Variants in SACS observed in about 807,000 individuals in gnomAD.
SACS encodes the protein sacsin molecular chaperone, also known as sacsin.
In SACS, 197 loss-of-function variants were observed where a neutral mutation model predicts 348.0. The ratio of observed to expected loss-of-function variants is 0.57; its 90% CI spans 0.50 to 0.64. The LOEUF is 0.64. Among genes scored for constraint, SACS ranks in the 30% least tolerant of loss-of-function variants. The probability of loss-of-function intolerance (pLI) is 0.00; values close to 1 mark genes in which losing one functional copy is unlikely to be tolerated. For synonymous variants in SACS, 1,985 were observed against 1,910.6 expected, an observed-to-expected ratio of 1.04 and a Z score of -1.02; for missense variants, 4,999 against 5,360.8, an observed-to-expected ratio of 0.93 and a Z score of 2.11.
chr13:23,414,611 G>T (rs779443106), intron 1 of SACS, among the ~76,000 whole-genome samples: 4 of 152,140 alleles, frequency 2.6e-5, no homozygotes, highest in Non-Finnish European at 2.9e-5. Flanking sequence ...ATATCACCAG[G>T]CGTGTTTGAT....
In SACS at chr13:23,331,103, G is replaced by T. The variant is rs765646434; in HGVS notation, c.12773C>A (p.Ala4258Asp). 6.2e-7 allele frequency: 1 copy of T among 1,614,126 alleles called. No homozygotes were observed. The highest frequency in any genetic ancestry group is 1.1e-5 in the South Asian group (1 of 91,074). Residue 4258 changes from alanine to aspartate, a missense_variant, in exon 10 of 10, where the codon GCT becomes GAT. Physicochemically the swap from Ala to Asp is moderately radical, Grantham distance 126. Around this residue, in one of 6 missense-constraint regions of SACS, gnomAD observed 831 missense variants for 941.8 expected, o/e 0.88. Transcript: ENST00000382292. ...PEESSQSRDS[A>D]PSTPTSPTEF... ...AGTGGGGCTGGTTGGTGTAGAAGGA[G>T]CACTGTCCCTGCTTTGAGAGCTTTC...
At position 23,329,414 on chromosome 13, in the gene SACS, A is replaced by G. The variant is rs1441307908; in HGVS notation, c.*722T>C. 6.5e-6 allele frequency: 5 copies of G among 764,918 alleles called. No individual in the cohort carries two copies. The allele number at this position is 764,918 out of a possible 1,614,324, so 47.4% of individuals were successfully genotyped here. On this transcript the variant is annotated 3_prime_UTR_variant, in exon 10 of 10. Coordinates refer to ENST00000382292, the MANE Select transcript of SACS (RefSeq NM_014363.6). ...TCTTGGCAAGCAGTTTCCAGAAACA[A>G]TACTAACAACTGGTAATAAGAACTG...
In SACS at chr13:23,332,530, T is replaced by G; in HGVS notation, c.11346A>C (p.Ala3782=). 6 of 1,613,988 alleles carry G rather than the reference T, an allele frequency of 3.7e-6. No homozygotes were observed. Among genetic ancestry groups the G allele is most frequent in the Non-Finnish European group, 4.2e-6 (5 of 1,179,914 alleles). The change falls in exon 10 of 10, where the codon GCA becomes GCC. Residue 3782 remains alanine (A), a synonymous_variant. Coordinates refer to ENST00000382292, the MANE Select transcript of SACS (RefSeq NM_014363.6). ...ACTGAAAACGAAATTCCCTTTTTTC[T>G]GCACTGAGGAATTCATATATGCTCC... ...VLRSIYEFLS[A]EKREFRFQLR...
chr13:23,377,536 T>C (rs1416090543), intron 2 of SACS, among the ~76,000 whole-genome samples: 1 of 152,178 alleles, frequency 6.6e-6, no homozygotes, highest in East Asian at 1.9e-4. Context: ...AATCTTCTTA[T>C]CCTGTCCATG....
At chr13:23,343,067 G>A (rs1172207298) in intron 9 of SACS, among the ~76,000 whole-genome samples, 1 of 152,194 alleles carries the variant, frequency 6.6e-6, no homozygotes. Context: ...AACAAAGGGA[G>A]CACGTGGGGC....
At chr13:23,414,358 G>A (rs1439830406) in intron 1 of SACS, among the ~76,000 whole-genome samples, 3 of 152,086 alleles carry the variant, frequency 2.0e-5, no homozygotes, top group Non-Finnish European at 2.9e-5. Flanking sequence ...AAAACATGCA[G>A]GTTTTATATG....
chr13:23,424,360 T>A (rs1240403241), intron 1 of SACS, among the ~76,000 whole-genome samples: 2 of 151,996 alleles, frequency 1.3e-5, no homozygotes, highest in Non-Finnish European at 2.9e-5. Flanking sequence ...ACCCCGGCTC[T>A]ACTAAAAATA....
Position 23,355,246 on chromosome 13 carries a change from T to C in SACS, c.1366A>G (p.Ser456Gly). The C allele has an allele frequency of 6.2e-7, 1 of 1,614,228 alleles. No individual in the cohort carries two copies. Among genetic ancestry groups the C allele is most frequent in the Non-Finnish European group, 8.5e-7 (1 of 1,180,040 alleles). Reference protein sequence around the residue: ...CFLPLPPGEESSTGLPVHISG... With the variant: ...CFLPLPPGEEGSTGLPVHISG... ...ATGTGAACTGGGAGGCCTGTGCTGC[T>C]TTCCTCACCAGGTGGTAAAGGAAGG... The change falls in exon 8 of 10, where the codon AGC becomes GGC. Residue 456 changes from serine to glycine, a missense_variant. Physicochemically the swap from Ser to Gly is moderately conservative, Grantham distance 56. Coordinates refer to ENST00000382292, the MANE Select transcript of SACS (RefSeq NM_014363.6).
intron 2 of SACS, among the ~76,000 whole-genome samples, chr13:23,376,311 G>A (rs1351073152): frequency 1.3e-5 from 2 of 152,088 alleles, no homozygotes; most frequent in African/African-American, 2.4e-5. Context: ...TTGAAAGTGT[G>A]TGGGGCTTAG....
chr13:23,433,524 C>A (rs1200559322), intron 1 of SACS, 91 bp downstream of exon 1: 1 of 152,300 alleles, frequency 6.6e-6, no homozygotes, highest in Non-Finnish European at 1.5e-5. Context: ...GCTCAGGGGA[C>A]GGATGGCCAA....
In SACS at chr13:23,353,810, A is replaced by G. The variant is rs746924610; in HGVS notation, c.2160T>C (p.Ala720=). ...CTCGGGTTTGGGCAGCTTCCTTTAA[A>G]GCAGCCACAAGGTGAGGTTTCAAGT... ...LDNLKPHLVA[A]LKEAAQTRGR... The change falls in exon 9 of 10, where the codon GCT becomes GCC. Residue 720 remains alanine (A), a synonymous_variant. Transcript: ENST00000382292. 6.2e-7 allele frequency: 1 copy of G among 1,609,056 alleles called. No homozygotes were observed. The highest frequency in any genetic ancestry group is 1.1e-5 in the South Asian group (1 of 90,828).
chr13:23,407,414 T>A (rs373224413), intron 2 of SACS, among the ~76,000 whole-genome samples: 310 of 152,106 alleles, frequency 2.0e-3, no homozygotes, highest in African/African-American at 7.1e-3. Context: ...TTAGCCAGGA[T>A]GGTCTCCATC....
chr13:23,355,256 A>G lies in SACS; in HGVS notation c.1356T>C (p.Pro452=). 1.2e-6 allele frequency: 2 copies of G among 1,614,186 alleles called. No individual in the cohort carries two copies. Among genetic ancestry groups the G allele is most frequent in the Non-Finnish European group, 1.7e-6 (2 of 1,180,038 alleles). The change falls in exon 8 of 10, where the codon CCT becomes CCC. Residue 452 remains proline, a synonymous_variant. Coordinates refer to ENST00000382292, the MANE Select transcript of SACS (RefSeq NM_014363.6). ...GKAFCFLPLP[P]GEESSTGLPV... ...GGAGGCCTGTGCTGCTTTCCTCACC[A>G]GGTGGTAAAGGAAGGAAACAAAATG...
In SACS at chr13:23,336,044, G is replaced by A. The variant is rs1868560881; in HGVS notation, c.7832C>T (p.Thr2611Met). 2.5e-6 allele frequency: 4 copies of A among 1,612,018 alleles called. No homozygotes were observed. The highest frequency in any genetic ancestry group is 3.4e-6 in the Non-Finnish European group (4 of 1,178,358). The stretch of plus-strand genomic sequence containing the variant: ...AGTTTTATAAGGATTTCCCTCTTTC[G>A]TGCCTTTTCCAAGATTCTGAATTCC... ...VRGIQNLGKGTKEGNPYKTGQ... is the reference protein window; with the variant it reads ...VRGIQNLGKGMKEGNPYKTGQ... Residue 2611 changes from threonine (T) to methionine (M), a missense_variant, in exon 10 of 10, where the codon ACG becomes ATG. Physicochemically the swap from Thr to Met is moderately conservative, Grantham distance 81. Coordinates refer to ENST00000382292, the MANE Select transcript of SACS (RefSeq NM_014363.6).
At chr13:23,378,410 C>A (rs1406706989) in intron 2 of SACS, among the ~76,000 whole-genome samples, 2 of 152,178 alleles carry the variant, frequency 1.3e-5, no homozygotes, top group African/African-American at 4.8e-5. Context: ...AATATTAAAA[C>A]CACATGAGGT....
At chr13:23,402,405 T>C (rs1008376886) in intron 2 of SACS, among the ~76,000 whole-genome samples, 1 of 152,226 alleles carries the variant, frequency 6.6e-6, no homozygotes, top group Admixed American at 6.5e-5. Flanking sequence ...ATCTATACCA[T>C]GCAATTTAGT....
chr13:23,369,480 G>C (rs1174195881), intron 4 of SACS, among the ~76,000 whole-genome samples: 1 of 151,850 alleles, frequency 6.6e-6, no homozygotes. Flanking sequence ...GCGTCATTTT[G>C]GTACAACCAC....
At chr13:23,367,107 T>C (rs933814157) in intron 5 of SACS, among the ~76,000 whole-genome samples, 1 of 152,254 alleles carries the variant, frequency 6.6e-6, no homozygotes, top group Non-Finnish European at 1.5e-5. Flanking sequence ...AACCTACTCC[T>C]GTTACCACTA....
chr13:23,394,324 G>C (rs946543388), intron 2 of SACS, among the ~76,000 whole-genome samples: 4 of 152,048 alleles, frequency 2.6e-5, no homozygotes, highest in African/African-American at 9.7e-5. Context: ...TGATCAACCT[G>C]GCCTGCCATC....
Sources: gnomAD v4.1 joint callset for allele counts (sites outside exome capture counted in the v4.1 genomes callset) on GRCh38, gnomAD v4.1.1 for gene constraint, gnomAD v4.1.1 regional missense constraint, MANE v1.5 for transcripts, NCBI Gene and HGNC (gene_info 2026-07-23, HGNC 2026-07-21) for gene names.